TRIM44: variants seen among roughly 807,000 people sequenced by gnomAD.
The protein encoded by TRIM44 is tripartite motif-containing protein 44.
Under a neutral mutation model 37.4 loss-of-function variants are expected in TRIM44, and 13 were observed. That is an observed-to-expected ratio of 0.35 (90% CI 0.23 to 0.55). The LOEUF (loss-of-function observed/expected upper bound fraction) is 0.55. TRIM44 is among the 20% of genes least tolerant of loss of function. The probability of loss-of-function intolerance (pLI) is 0.89; values close to 1 mark genes in which losing one functional copy is unlikely to be tolerated. For synonymous variants in TRIM44, 175 were observed against 157.2 expected (o/e 1.11, Z -0.85); for missense variants, 426 against 437.2 (o/e 0.97, Z 0.23).
chr11:35,723,564 T>A (rs73438950), intron 2 of TRIM44, among the ~76,000 whole-genome samples: 7,080 of 152,290 alleles, frequency 0.046, 550 homozygotes, highest in African/African-American at 0.16. Flanking sequence ...TGACCTGATC[T>A]GTATAAAATA....
intron 4 of TRIM44, among the ~76,000 whole-genome samples, chr11:35,801,760 G>A (rs1330492295): frequency 1.3e-5 from 2 of 152,086 alleles, no homozygotes; most frequent in Admixed American, 6.5e-5. Context: ...GAATGCCTTA[G>A]TCTCATTCTG....
chr11:35,738,524 T>C (rs896524530), intron 4 of TRIM44, among the ~76,000 whole-genome samples: 10 of 152,150 alleles, frequency 6.6e-5, no homozygotes, highest in Admixed American at 2.6e-4. Context: ...AGGAGTCAGA[T>C]TTTCTTTTTT....
rs903364070 is a variant in TRIM44 at position 35,807,477 on chromosome 11, T to C, written c.*1092T>C. On this transcript the variant is annotated 3_prime_UTR_variant, in exon 5 of 5. Transcript: ENST00000299413. ...ACCCTGGATCTCACTCTCCTCTTAG[T>C]AACAGAGACACTCCTGAGGTTGGAC... The C allele has an allele frequency of 2.7e-4, 41 of 152,178 alleles. 1 individual carries two copies. Among genetic ancestry groups the C allele is most frequent in the Admixed American group, 2.1e-3 (32 of 15,262 alleles). 9.4% of individuals were successfully genotyped at this position (152,178 alleles called of 1,614,324 possible).
chr11:35,735,948 G>C (rs1369265036), intron 4 of TRIM44, among the ~76,000 whole-genome samples: 1 of 152,026 alleles, frequency 6.6e-6, no homozygotes, highest in Non-Finnish European at 1.5e-5. Flanking sequence ...TGTTCTTTGT[G>C]CTTCTGTATT....
rs1851297945 is a variant in TRIM44 at position 35,663,444 on chromosome 11, C to CGAGACAGAGGAAGAGAGT, written c.337_354dup (p.Thr113_Glu118dup). On this transcript the variant is annotated inframe_insertion, in exon 1 of 5. Transcript: ENST00000299413. ...AAGAGAGCGAGTCAGAGGAAGAGAGCGAGACAGAGGAAGAGAGTGAGGATG... is the reference window on the plus strand; with the variant it reads ...AAGAGAGCGAGTCAGAGGAAGAGAGCGAGACAGAGGAAGAGAGTGAGACAGAGGAAGAGAGTGAGGATG... The CGAGACAGAGGAAGAGAGT allele has an allele frequency of 6.4e-7, 1 of 1,564,712 alleles. No individual in the cohort carries two copies. Among genetic ancestry groups the CGAGACAGAGGAAGAGAGT allele is most frequent in the Non-Finnish European group, 8.7e-7 (1 of 1,154,034 alleles).
At chr11:35,699,736 A>T (rs1160144281) in intron 2 of TRIM44, among the ~76,000 whole-genome samples, 5 of 151,822 alleles carry the variant, frequency 3.3e-5, no homozygotes, top group Admixed American at 1.3e-4. Flanking sequence ...CCTTAAGCCC[A>T]TAGGCAACTT....
At chr11:35,683,473 G>C (rs984541573) in intron 1 of TRIM44, among the ~76,000 whole-genome samples, 1 of 152,056 alleles carries the variant, frequency 6.6e-6, no homozygotes, top group Non-Finnish European at 1.5e-5. Context: ...ATCTTATTAG[G>C]TATTTCCTAT....
intron 4 of TRIM44, among the ~76,000 whole-genome samples, chr11:35,790,260 C>T (rs954864927): frequency 6.6e-6 from 1 of 152,168 alleles, no homozygotes; most frequent in African/African-American, 2.4e-5. Flanking sequence ...TGATTTTTAA[C>T]TAGGGGCTGA....
At chr11:35,731,706 T>A (rs1281127198) in intron 3 of TRIM44, among the ~76,000 whole-genome samples, 1 of 152,208 alleles carries the variant, frequency 6.6e-6, no homozygotes, top group African/African-American at 2.4e-5. Context: ...TTTATTTATA[T>A]GTCATGAGCA....
At chr11:35,752,397 T>C (rs1852569501) in intron 4 of TRIM44, among the ~76,000 whole-genome samples, 1 of 152,098 alleles carries the variant, frequency 6.6e-6, no homozygotes, top group Non-Finnish European at 1.5e-5. Flanking sequence ...CATGAACTTC[T>C]AGGATACAAA....
intron 1 of TRIM44, among the ~76,000 whole-genome samples, chr11:35,666,261 A>G (rs1437700473): frequency 6.6e-6 from 1 of 152,206 alleles, no homozygotes; most frequent in African/African-American, 2.4e-5. Context: ...ATCTGTTAGT[A>G]TATCCCTGTG....
intron 4 of TRIM44, among the ~76,000 whole-genome samples, chr11:35,760,224 T>A (rs1565005779): frequency 6.6e-6 from 1 of 152,184 alleles, no homozygotes; most frequent in Non-Finnish European, 1.5e-5. Flanking sequence ...CACTGCCACC[T>A]TGCAGTTTGG....
rs1190555334 is a variant in TRIM44 at position 35,685,250 on chromosome 11, T to G, written c.670-9T>G. Reference sequence around the variant, plus strand: ...CTGTCTAGTGACCCCTCACTTTTCTTTCTTCTAGAGCAAAGACTCAGGTGG... The same window carrying G: ...CTGTCTAGTGACCCCTCACTTTTCTGTCTTCTAGAGCAAAGACTCAGGTGG... On this transcript the variant is annotated splice_polypyrimidine_tract_variant and intron_variant, in intron 1 of 4. Coordinates refer to ENST00000299413, the MANE Select transcript of TRIM44 (RefSeq NM_017583.6). 1.2e-6 allele frequency: 2 copies of G among 1,613,720 alleles called. No homozygotes were observed. The highest frequency in any genetic ancestry group is 1.7e-6 in the Non-Finnish European group (2 of 1,179,786).
chr11:35,717,167 G>A (rs1235800262), intron 2 of TRIM44, among the ~76,000 whole-genome samples: 1 of 152,182 alleles, frequency 6.6e-6, no homozygotes, highest in Non-Finnish European at 1.5e-5. Context: ...TATGGAGGTA[G>A]TAGTTGAATT....
chr11:35,706,989 G>C (rs1851894010), intron 2 of TRIM44, among the ~76,000 whole-genome samples: 1 of 152,022 alleles, frequency 6.6e-6, no homozygotes, highest in Non-Finnish European at 1.5e-5. Flanking sequence ...GTTTGCAGAT[G>C]ACATGATTGT....
intron 4 of TRIM44, among the ~76,000 whole-genome samples, chr11:35,757,462 A>T (rs1037048630): frequency 2.9e-4 from 44 of 152,030 alleles, no homozygotes; most frequent in African/African-American, 1.1e-3. Context: ...TCCTGGATTC[A>T]TTGATTTTTG....
At chr11:35,777,512 A>G (rs1471620438) in intron 4 of TRIM44, among the ~76,000 whole-genome samples, 1 of 152,020 alleles carries the variant, frequency 6.6e-6, no homozygotes, top group Non-Finnish European at 1.5e-5. Flanking sequence ...TTAGCTGGTT[A>G]TTTTGCTCGT....
rs551738675 is a variant in TRIM44, at chr11:35,745,678, G to T, written c.1007+10233G>T. Among the ~76,000 whole-genome samples the T allele has an allele frequency of 2.6e-5, 4 of 152,320 alleles. No individual in the cohort carries two copies. The East Asian group carries it at 7.7e-4, about 29-fold the overall frequency. On this transcript the variant is annotated intron_variant, in intron 4 of 4. Coordinates refer to ENST00000299413, the MANE Select transcript of TRIM44 (RefSeq NM_017583.6). ...TTATTCCAGTTCACAGTCATGAGTGGCTGGAGCAGCTCAGGGCACAAAGTG... is the reference window on the plus strand; with the variant it reads ...TTATTCCAGTTCACAGTCATGAGTGTCTGGAGCAGCTCAGGGCACAAAGTG...
In TRIM44 at chr11:35,663,432, A is replaced by G. The variant is rs567505951; in HGVS notation, c.321A>G (p.Ser107=). 8.3e-6 allele frequency: 13 copies of G among 1,565,714 alleles called. No homozygotes were observed. The highest frequency in any genetic ancestry group is 1.2e-5 in the South Asian group (1 of 86,630). Residue 107 remains serine, a synonymous_variant, in exon 1 of 5, where the codon TCA becomes TCG. Transcript: ENST00000299413. ...EESESEEESE[S]EEESETEEES... ...GTGAGTCGGAGGAAGAGAGCGAGTC[A>G]GAGGAAGAGAGCGAGACAGAGGAAG...
Sources: allele counts gnomAD v4.1 joint callset (sites outside exome capture counted in the v4.1 genomes callset), GRCh38; gene constraint gnomAD v4.1.1; transcripts MANE v1.5; gene names NCBI Gene and HGNC (gene_info 2026-07-23, HGNC 2026-07-21).